The following PARP4 variants were observed in gnomAD, a reference collection of about 807,000 sequenced individuals.
The protein encoded by PARP4 is poly(ADP-ribose) polymerase family member 4, also known as protein mono-ADP-ribosyltransferase PARP4.
A neutral mutation model predicts 187.7 loss-of-function variants in PARP4; 120 were observed. The observed-to-expected ratio is 0.64, with a 90% confidence interval of 0.55 to 0.74. The LOEUF (loss-of-function observed/expected upper bound fraction) is 0.74, where lower values mean the gene tolerates loss of function less well. PARP4 is among the 30% of genes least tolerant of loss of function. The pLI, the probability that PARP4 is intolerant of heterozygous loss-of-function variation, is 0.00. For missense variants in PARP4, 1,836 were observed against 2,070.5 expected (o/e 0.89, Z 2.20); for synonymous variants, 654 against 740.9 (o/e 0.88, Z 1.90).
chr13:24,420,970 A>T lies in PARP4; in HGVS notation c.*149T>A. ...TTTTATTATTGCTTGTTAGTTGATT[A>T]AAGTAATTCTTCTTCCACTTAATTT... On this transcript the variant is annotated 3_prime_UTR_variant, in exon 34 of 34. Coordinates refer to ENST00000381989, the MANE Select transcript of PARP4 (RefSeq NM_006437.4). The T allele has an allele frequency of 1.0e-6, 1 of 977,794 alleles. No individual in the cohort carries two copies. The highest frequency in any genetic ancestry group is 1.4e-6 in the Non-Finnish European group (1 of 725,220). 60.6% of individuals were successfully genotyped at this position (977,794 alleles called of 1,614,324 possible). A position where few individuals can be genotyped will look rare whatever the true frequency, so the allele number is the denominator to read the frequency against.
chr13:24,489,981 T>C (rs528076062), intron 10 of PARP4, among the ~76,000 whole-genome samples: 30 of 152,266 alleles, frequency 2.0e-4, no homozygotes, highest in African/African-American at 7.0e-4. Context: ...TCACCACCAT[T>C]TGTTCTAAGG....
chr13:24,487,819 C>G (rs999314540), intron 10 of PARP4, among the ~76,000 whole-genome samples: 2 of 152,248 alleles, frequency 1.3e-5, no homozygotes, highest in Non-Finnish European at 2.9e-5. Context: ...AGCACACCCC[C>G]GGGTGAGCAG....
At chr13:24,504,999 C>A (rs1001148967) in intron 1 of PARP4, among the ~76,000 whole-genome samples, 1 of 141,804 alleles carries the variant, frequency 7.1e-6, no homozygotes, top group African/African-American at 2.6e-5. Flanking sequence ...CTGGCACACC[C>A]CCGCTTTTTT....
rs563484503 is a variant in PARP4 at position 24,505,916 on chromosome 13, T to C, written c.-1-2139A>G. 5.1e-4 allele frequency among the ~76,000 whole-genome samples: 77 copies of C among 152,382 alleles called. 2 individuals are homozygous for C. Among genetic ancestry groups the C allele is most frequent in the African/African-American group, 1.7e-3 (71 of 41,594 alleles). On this transcript the variant is annotated intron_variant, in intron 1 of 33. Coordinates refer to ENST00000381989, the MANE Select transcript of PARP4 (RefSeq NM_006437.4). ...GGTTCTCTGCCGCGGCCCACGCGTC[T>C]TGGGACTAAGCTGAGTTGCTGAAAG...
chr13:24,469,606 G>A lies in PARP4; in HGVS notation c.2046+288C>T, dbSNP rs148236537. On this transcript the variant is annotated intron_variant, in intron 16 of 33. Transcript: ENST00000381989. ...ATTACAGGCATGAGCCACTGCACCC[G>A]GCCCTCTTTAACTTTTCATACTGAA... Among the ~76,000 whole-genome samples, 605 of 152,134 alleles carry A rather than the reference G, an allele frequency of 4.0e-3. 2 individuals carry two copies. The highest frequency in any genetic ancestry group is 0.014 in the African/African-American group (578 of 41,508).
chr13:24,432,188 ACATTTAT>A (rs1187055849), intron 31 of PARP4, among the ~76,000 whole-genome samples: 16 of 133,226 alleles, frequency 1.2e-4, no homozygotes, highest in Admixed American at 1.1e-3. Context: ...ATCAGCTTGA[ACATTTAT>A]CATGTCTTTG....
chr13:24,499,436 A>G, intron 4 of PARP4, 60 bp from the exon 5 acceptor site: 1 of 1,395,632 alleles, frequency 7.2e-7, no homozygotes, highest in Non-Finnish European at 9.7e-7. Flanking sequence ...GCTAAACAGA[A>G]TTTCATAAAT....
chr13:24,432,047 T>C (rs1364118332), intron 31 of PARP4, among the ~76,000 whole-genome samples: 2 of 152,244 alleles, frequency 1.3e-5, no homozygotes, highest in East Asian at 3.9e-4. Context: ...TAAATGGTAC[T>C]TTTTTCCTTC....
chr13:24,486,189 T>C lies in PARP4; in HGVS notation c.1331A>G (p.Asn444Ser), dbSNP rs1280716869. 5 of 1,612,326 alleles carry C rather than the reference T, an allele frequency of 3.1e-6. No homozygotes were observed. The highest frequency in any genetic ancestry group is 4.2e-6 in the Non-Finnish European group (5 of 1,179,486). Residue 444 changes from asparagine to serine, a missense_variant, in exon 11 of 34, where the codon AAC becomes AGC. Around this residue, in one of 8 missense-constraint regions of PARP4, gnomAD observed 1,147 missense variants for 1,214.2 expected, o/e 0.94. Coordinates refer to ENST00000381989, the MANE Select transcript of PARP4 (RefSeq NM_006437.4). The part of the protein sequence containing the change: ...RPLLHGSPVQ[N>S]IVGILCRGLL... ...TTACCGACACAAGATTCCCACGATGTTTTGTACAGGAGAACCATGCAACAA... is the reference window on the plus strand; with the variant it reads ...TTACCGACACAAGATTCCCACGATGCTTTGTACAGGAGAACCATGCAACAA...
At chr13:24,457,070 T>C (rs1871897783) in intron 20 of PARP4, among the ~76,000 whole-genome samples, 1 of 152,134 alleles carries the variant, frequency 6.6e-6, no homozygotes, top group Non-Finnish European at 1.5e-5. Context: ...GATCTACCCA[T>C]TCAGTTAGAC....
At chr13:24,491,949 G>A (rs1205460685) in intron 9 of PARP4, among the ~76,000 whole-genome samples, 1 of 152,212 alleles carries the variant, frequency 6.6e-6, no homozygotes, top group Non-Finnish European at 1.5e-5. Flanking sequence ...AGGAAGCCAG[G>A]CTAAGAGCAG....
intron 12 of PARP4, among the ~76,000 whole-genome samples, chr13:24,480,779 G>A (rs1873234606): frequency 6.6e-6 from 1 of 152,214 alleles, no homozygotes; most frequent in Non-Finnish European, 1.5e-5. Flanking sequence ...GGTTGGCTGA[G>A]GTTTAAGGAA....
chr13:24,455,614 C>CTT (rs1233823030), intron 21 of PARP4, among the ~76,000 whole-genome samples: 63 of 116,284 alleles, frequency 5.4e-4, no homozygotes, highest in Non-Finnish European at 7.8e-4. Flanking sequence ...TGTAAGTTTC[C>CTT]TTTTTTTTTT....
intron 25 of PARP4, among the ~76,000 whole-genome samples, chr13:24,448,456 G>GGA (rs555940172): frequency 6.7e-6 from 1 of 148,562 alleles, no homozygotes; most frequent in African/African-American, 2.5e-5. Flanking sequence ...AATCAATAAG[G>GGA]AAAAAAAAAA....
At chr13:24,480,222 GCC>G (rs908501190) in intron 12 of PARP4, among the ~76,000 whole-genome samples, 7 of 152,216 alleles carry the variant, frequency 4.6e-5, no homozygotes, top group Admixed American at 6.5e-5. Flanking sequence ...AACAATCTGT[GCC>G]CATACAAGGT....
At position 24,477,830 on chromosome 13, in the gene PARP4, T is replaced by C. The variant is rs376243814; in HGVS notation, c.1660A>G (p.Asn554Asp). The change falls in exon 14 of 34, where the codon AAT (asparagine) becomes GAT (aspartate). Residue 554 changes from asparagine to aspartate, a missense_variant. Physicochemically the swap from Asn to Asp is conservative, Grantham distance 23. Transcript: ENST00000381989. The part of the protein sequence containing the change: ...EDDEFVVYKT[N>D]QVKMKYIIKF... Reference sequence around the variant, plus strand: ...ATAATATATTTCATTTTAACCTGATTGGTTTTATAGACAACAAATTCATCA... The same window carrying C: ...ATAATATATTTCATTTTAACCTGATCGGTTTTATAGACAACAAATTCATCA... 34 of 1,582,396 alleles carry C rather than the reference T, an allele frequency of 2.1e-5. No homozygotes were observed. The African/African-American group carries it at 4.4e-4, about 20-fold the overall frequency.
At chr13:24,423,553 A>T (rs1211836618) in intron 33 of PARP4, among the ~76,000 whole-genome samples, 4 of 127,718 alleles carry the variant, frequency 3.1e-5, no homozygotes, top group Admixed American at 1.5e-4. Flanking sequence ...AATAAATAAA[A>T]ACAAAACAAA....
intron 12 of PARP4, among the ~76,000 whole-genome samples, chr13:24,479,912 T>C (rs1221768390): frequency 1.3e-5 from 2 of 152,156 alleles, no homozygotes; most frequent in African/African-American, 2.4e-5. Context: ...GCTTCACTCC[T>C]GAAGCCCGCG....
chr13:24,426,891 C>CAAAAAAAAAAA (rs5802279), intron 32 of PARP4, among the ~76,000 whole-genome samples: 1 of 93,572 alleles, frequency 1.1e-5, no homozygotes, highest in Non-Finnish European at 2.1e-5. Context: ...GACTCTGTCT[C>CAAAAAAAAAAA]AAAAAAAAAA....
Sources: gnomAD v4.1 joint callset for allele counts (sites outside exome capture counted in the v4.1 genomes callset) on GRCh38, gnomAD v4.1.1 for gene constraint, gnomAD v4.1.1 regional missense constraint, MANE v1.5 for transcripts, NCBI Gene and HGNC (gene_info 2026-07-23, HGNC 2026-07-21) for gene names.